The following TBC1D8 variants were observed in gnomAD, a reference collection of about 807,000 sequenced individuals.
The protein encoded by TBC1D8 is TBC1 domain family member 8.
In TBC1D8, 65 loss-of-function variants were observed where a neutral mutation model predicts 118.8. The ratio of observed to expected loss-of-function variants is 0.55; its 90% CI spans 0.45 to 0.67. The LOEUF (loss-of-function observed/expected upper bound fraction) is 0.67. Ranked by LOEUF, TBC1D8 falls within the 30% of genes least tolerant of loss-of-function variation. The pLI, the probability that TBC1D8 is intolerant of heterozygous loss-of-function variation, is 0.00. For missense variants in TBC1D8, 1,376 were observed against 1,471.2 expected (o/e 0.94, Z 1.06); for synonymous variants, 566 against 595.8 (o/e 0.95, Z 0.73).
intron 18 of TBC1D8, 119 bp from the exon 19 acceptor site, chr2:101,011,145 C>A: frequency 1.0e-6 from 1 of 984,834 alleles, no homozygotes; most frequent in South Asian, 1.5e-5. Context: ...AAATTCCATA[C>A]AAAACTGGAA....
intron 9 of TBC1D8, 73 bp downstream of exon 9, chr2:101,035,945 C>G: frequency 1.3e-6 from 2 of 1,554,124 alleles, no homozygotes. Context: ...AACACACGCG[C>G]TGCTCGGGTC....
chr2:101,094,802 C>T (rs2105461815), intron 1 of TBC1D8, among the ~76,000 whole-genome samples: 1 of 152,194 alleles, frequency 6.6e-6, no homozygotes, highest in Non-Finnish European at 1.5e-5. Flanking sequence ...GTTATCACTC[C>T]CATATATATG....
chr2:101,023,439 A>C (rs920321461), intron 15 of TBC1D8, among the ~76,000 whole-genome samples: 10 of 152,142 alleles, frequency 6.6e-5, no homozygotes, highest in African/African-American at 2.4e-4. Flanking sequence ...AGCCACTGCG[A>C]CTGGCCCAAA....
chr2:101,028,320 T>C lies in TBC1D8; in HGVS notation c.2335A>G (p.Ile779Val), dbSNP rs770297541. The change falls in exon 13 of 20, where the codon ATC becomes GTC. Residue 779 changes from isoleucine (I) to valine (V), a missense_variant. Physicochemically the swap from Ile to Val is conservative, Grantham distance 29 (BLOSUM62 3). Transcript: ENST00000409318. ...CCCGTTACCTCATAGGAATCCCGGA[T>C]CAGGTCCGAAATATCAGTCACAGGG... ...PYPVTDISDL[I>V]RDSYEKFGDQ... 3 of 1,612,718 alleles carry C rather than the reference T, an allele frequency of 1.9e-6. No individual in the cohort carries two copies. The highest frequency in any genetic ancestry group is 2.2e-5 in the South Asian group (2 of 90,864).
intron 2 of TBC1D8, among the ~76,000 whole-genome samples, chr2:101,082,189 T>C (rs915330388): frequency 5.3e-5 from 8 of 152,186 alleles, no homozygotes; most frequent in Non-Finnish European, 1.2e-4. Flanking sequence ...GTTGGTAACC[T>C]TGGGAATTAC....
intron 9 of TBC1D8, among the ~76,000 whole-genome samples, chr2:101,034,619 G>A (rs1477702647): frequency 6.6e-6 from 1 of 152,172 alleles, no homozygotes. Flanking sequence ...GTGTGTGCAC[G>A]TGTGTCTGTG....
chr2:101,053,780 G>C (rs1158474266), intron 4 of TBC1D8, among the ~76,000 whole-genome samples: 7 of 152,318 alleles, frequency 4.6e-5, no homozygotes, highest in Admixed American at 2.6e-4. Flanking sequence ...GCTTTGTTAA[G>C]AAGCAGGAAT....
chr2:101,129,315 G>C (rs1218725267), intron 1 of TBC1D8, among the ~76,000 whole-genome samples: 14 of 151,958 alleles, frequency 9.2e-5, no homozygotes. Context: ...TAATGTTTTT[G>C]TATTTTTAGT....
chr2:101,065,281 G>A (rs1470669186), intron 2 of TBC1D8, among the ~76,000 whole-genome samples: 1 of 152,178 alleles, frequency 6.6e-6, no homozygotes, highest in Non-Finnish European at 1.5e-5. Flanking sequence ...CCTCTGAAAT[G>A]ACAAGACATT....
chr2:101,042,702 C>T (rs933083244), intron 5 of TBC1D8, among the ~76,000 whole-genome samples: 13 of 151,786 alleles, frequency 8.6e-5, no homozygotes, highest in Admixed American at 1.3e-4. Flanking sequence ...CTTCCACTTT[C>T]CAATTTTATT....
intron 15 of TBC1D8, among the ~76,000 whole-genome samples, chr2:101,024,462 A>AG (rs1491540580): frequency 7.1e-6 from 1 of 140,432 alleles, no homozygotes; most frequent in East Asian, 2.1e-4. Context: ...GCTGGAGTGC[A>AG]GTGGCACGAT....
chr2:101,034,404 G>A (rs1680871487), intron 9 of TBC1D8, among the ~76,000 whole-genome samples: 1 of 152,104 alleles, frequency 6.6e-6, no homozygotes, highest in African/African-American at 2.4e-5. Context: ...ACATCAAGGG[G>A]GCGCAGCTAT....
intron 1 of TBC1D8, among the ~76,000 whole-genome samples, chr2:101,120,350 A>T (rs1285841313): frequency 6.6e-6 from 1 of 152,118 alleles, no homozygotes; most frequent in African/African-American, 2.4e-5. Context: ...CTGGTTCTCA[A>T]TCCTGCCTGA....
In TBC1D8 at chr2:101,151,277, C is replaced by A. The variant is rs2104296058; in HGVS notation, c.-24G>T. ...ATCGCGGCGGTCCGGCCGCGCCCGC[C>A]GGCCCCAGCTCACATCTCCCCGGCC... is the stretch of plus-strand genomic sequence containing the variant. On this transcript the variant is annotated 5_prime_UTR_variant, in exon 1 of 20. Coordinates refer to ENST00000409318, the MANE Select transcript of TBC1D8 (RefSeq NM_001330348.2). 1 of 1,142,032 alleles carries A rather than the reference C, an allele frequency of 8.8e-7. No homozygotes were observed. Among genetic ancestry groups the A allele is most frequent in the South Asian group, 3.1e-5 (1 of 31,800 alleles). The allele number at this position is 1,142,032 out of a possible 1,614,324, so 70.7% of individuals were successfully genotyped here. A position where few individuals can be genotyped will look rare whatever the true frequency, so the allele number is the denominator to read the frequency against.
Position 101,047,130 on chromosome 2 carries a change from G to A in TBC1D8, c.872+3271C>T, listed in dbSNP as rs1274436435. ...CAGTCACTCTGCCCTCTTGGACTCC[G>A]AGGCTATGATGCAGGGATCCCTGGC... On this transcript the variant is annotated intron_variant, in intron 5 of 19. Transcript: ENST00000409318. Among the ~76,000 whole-genome samples the A allele has an allele frequency of 2.6e-5, 4 of 152,136 alleles. No individual in the cohort carries two copies. In the East Asian group the frequency reaches 5.8e-4, roughly 22 times the overall value.
At chr2:101,013,873 C>T (rs955379680) in intron 17 of TBC1D8, among the ~76,000 whole-genome samples, 3 of 152,180 alleles carry the variant, frequency 2.0e-5, no homozygotes, top group Admixed American at 6.5e-5. Context: ...GCTTATTTTG[C>T]AAAAGCAGTA....
intron 1 of TBC1D8, among the ~76,000 whole-genome samples, chr2:101,141,770 A>G (rs1300487379): frequency 6.6e-6 from 1 of 151,886 alleles, no homozygotes; most frequent in Non-Finnish European, 1.5e-5. Context: ...ATACAATTGA[A>G]AAAGAATACA....
intron 17 of TBC1D8, chr2:101,018,960 G>A (rs769918717): frequency 1.2e-6 from 2 of 1,605,500 alleles, no homozygotes; most frequent in South Asian, 1.1e-5. Flanking sequence ...TGTGTTACCT[G>A]ACATGGTACC....
Position 101,028,096 on chromosome 2 carries a change from G to C in TBC1D8, c.2403C>G (p.His801Gln). 1 of 1,613,982 alleles carries C rather than the reference G, an allele frequency of 6.2e-7. No homozygotes were observed. The highest frequency in any genetic ancestry group is 8.5e-7 in the Non-Finnish European group (1 of 1,179,900). ...VEQIEHLRYK[H>Q]RIRVLQGHED... is the part of the protein sequence containing the mutation. ...CGTGGCCTTGGAGGACCCTGATCCTGTGCTTGTAACGTAGGTGCTCGATCT... is the reference window on the plus strand; with the variant it reads ...CGTGGCCTTGGAGGACCCTGATCCTCTGCTTGTAACGTAGGTGCTCGATCT... The change falls in exon 14 of 20, where the codon CAC becomes CAG. Residue 801 changes from histidine to glutamine, a missense_variant. Transcript: ENST00000409318.
Sources: allele counts gnomAD v4.1 joint callset (sites outside exome capture counted in the v4.1 genomes callset), GRCh38; gene constraint gnomAD v4.1.1; transcripts MANE v1.5; gene names NCBI Gene and HGNC (gene_info 2026-07-23, HGNC 2026-07-21).